The following KCNN4 variants were observed in gnomAD, a reference collection of about 807,000 sequenced individuals.
The protein encoded by KCNN4 is intermediate conductance calcium-activated potassium channel protein 4.
A neutral mutation model predicts 45.2 loss-of-function variants in KCNN4; 31 were observed. The observed-to-expected ratio is 0.69, with a 90% CI of 0.52 to 0.92. The LOEUF is 0.92. Among genes scored for constraint, KCNN4 ranks in the 40% least tolerant of loss-of-function variants. The pLI is 0.00. For synonymous variants in KCNN4, 231 were observed against 254.6 expected, an observed-to-expected ratio of 0.91 and a Z score of 0.88; for missense variants, 463 against 574.0, an observed-to-expected ratio of 0.81 and a Z score of 1.98.
At chr19:43,780,530 T>C (rs138096308) in intron 1 of KCNN4, among the ~76,000 whole-genome samples, 173 bp downstream of exon 1, 1,263 of 29,382 alleles carry the variant, frequency 0.043, 5 homozygotes, top group African/African-American at 0.17. Flanking sequence ...GGAGTCCAAG[T>C]CCCCAGTCCC....
At chr19:43,775,843 C>T (rs556964449) in intron 2 of KCNN4, among the ~76,000 whole-genome samples, 9 of 151,832 alleles carry the variant, frequency 5.9e-5, no homozygotes, top group South Asian at 2.1e-4. Context: ...CCCCTGGGAC[C>T]GGACCAGGTG....
chr19:43,774,203 G>C lies in KCNN4; in HGVS notation c.672C>G (p.Ser224=). 1 of 1,610,752 alleles carries C rather than the reference G, an allele frequency of 6.2e-7. No homozygotes were observed. Among genetic ancestry groups the C allele is most frequent in the Non-Finnish European group, 8.5e-7 (1 of 1,177,712 alleles). ...TCCATCACCCTCACCTCTCGGCCAC[G>C]GACAGCACCCAGGCGGTGGTCAGCC... ...GLWLTTAWVL[S]VAERQAVNAT... is the part of the protein sequence containing the mutation. The change falls in exon 3 of 9, where the codon TCC becomes TCG. Residue 224 remains serine (S), a synonymous_variant. Coordinates refer to ENST00000648319, the MANE Select transcript of KCNN4 (RefSeq NM_002250.3). The surrounding 1 kb of genome is among the most constrained non-coding windows in gnomAD (Gnocchi z 5.6).
intron 8 of KCNN4, 152 bp downstream of exon 8, chr19:43,767,388 G>A (rs1291787795): frequency 6.3e-6 from 6 of 957,644 alleles, no homozygotes; most frequent in Admixed American, 2.8e-5. Context: ...GTCCAGCCCC[G>A]AACTGAGTCC....
rs1415771955 is a variant in KCNN4 at position 43,772,261 on chromosome 19, C to T, written c.684-126G>A. 3.0e-6 allele frequency: 3 copies of T among 1,006,046 alleles called. No homozygotes were observed. The highest frequency in any genetic ancestry group is 5.6e-5 in the East Asian group (2 of 35,896). 62.3% of individuals were successfully genotyped at this position (1,006,046 alleles called of 1,614,324 possible). A position where few individuals can be genotyped will look rare whatever the true frequency, so the allele number is the denominator to read the frequency against. ...CCCTCCCTTCCCCTCCCAGTATACACCCATAGTCCTAAGAATCACCTGGAC... is the reference window on the plus strand; with the variant it reads ...CCCTCCCTTCCCCTCCCAGTATACATCCATAGTCCTAAGAATCACCTGGAC... On this transcript the variant is annotated intron_variant, in intron 3 of 8. Coordinates refer to ENST00000648319, the MANE Select transcript of KCNN4 (RefSeq NM_002250.3). The surrounding 1 kb of genome is among the most constrained non-coding windows in gnomAD (Gnocchi z 4.4).
chr19:43,776,623 A>G lies in KCNN4; in HGVS notation c.173T>C (p.Leu58Pro), dbSNP rs1385578285. Residue 58 changes from leucine (L) to proline (P), a missense_variant, in exon 2 of 9, where the codon CTG (leucine) becomes CCG (proline). Coordinates refer to ENST00000648319, the MANE Select transcript of KCNN4 (RefSeq NM_002250.3). Reference sequence around the variant, plus strand: ...GCTGATCGTGCATTTAACCAGGAACAGGTAGAGCGCCCACTGTCAGGGGGG... The same window carrying G: ...GCTGATCGTGCATTTAACCAGGAACGGGTAGAGCGCCCACTGTCAGGGGGG... Reference protein sequence around the residue: ...WFGGCSWALYLFLVKCTISIS... With the variant: ...WFGGCSWALYPFLVKCTISIS... 4.3e-6 allele frequency: 7 copies of G among 1,613,150 alleles called. No individual in the cohort carries two copies. The highest frequency in any genetic ancestry group is 1.7e-5 in the Admixed American group (1 of 60,004).
At chr19:43,780,455 A>T (rs34903428) in intron 1 of KCNN4, among the ~76,000 whole-genome samples, 1 of 36,236 alleles carries the variant, frequency 2.8e-5, no homozygotes, top group African/African-American at 1.2e-4. Flanking sequence ...AGGAGTCCTG[A>T]CCCCCAGCCC....
At chr19:43,779,478 AGG>A (rs1312821330) in intron 1 of KCNN4, among the ~76,000 whole-genome samples, 1 of 152,042 alleles carries the variant, frequency 6.6e-6, no homozygotes, top group Non-Finnish European at 1.5e-5. Flanking sequence ...TCAGACCCTC[AGG>A]AATCTACCCA....
chr19:43,767,511 C>G (rs769785437), intron 8 of KCNN4, 29 bp downstream of exon 8: 1 of 1,604,420 alleles, frequency 6.2e-7, no homozygotes, highest in African/African-American at 1.3e-5. Flanking sequence ...CTCCAGGATG[C>G]CTTCCTGCCC....
chr19:43,774,337 GGTAGGAAGCGTTGAGCAGGACGCCGCTGC>G lies in KCNN4; in HGVS notation c.509_537del (p.Arg170ProfsTer53). ...ACTTGATTGAGAGCGCCGATGCTGC[GGTAGGAAGCGTTGAGCAGGACGCCGCTGC>G]GCAGGAGCACGGCGCGGGGCACCAG... is the stretch of plus-strand genomic sequence containing the variant. On this transcript the variant is annotated frameshift_variant, in exon 3 of 9. Coordinates refer to ENST00000648319, the MANE Select transcript of KCNN4 (RefSeq NM_002250.3). LOFTEE classifies it high-confidence loss of function. This position sits in a 1 kb window ranked among gnomAD's most constrained non-coding sequence, Gnocchi z 5.6. 6.2e-7 allele frequency: 1 copy of G among 1,610,572 alleles called. No homozygotes were observed. Among genetic ancestry groups the G allele is most frequent in the Non-Finnish European group, 8.5e-7 (1 of 1,178,478 alleles).
At chr19:43,778,171 TC>T (rs1223895980) in intron 1 of KCNN4, among the ~76,000 whole-genome samples, 1 of 152,212 alleles carries the variant, frequency 6.6e-6, no homozygotes, top group Admixed American at 6.5e-5. Context: ...TACTCTGTTC[TC>T]TGAATTTCCC....
In KCNN4 at chr19:43,767,687, G is replaced by T. The variant is rs1429883760; in HGVS notation, c.1140C>A (p.Asp380Glu). 6.2e-7 allele frequency: 1 copy of T among 1,614,166 alleles called. No individual in the cohort carries two copies. Among genetic ancestry groups the T allele is most frequent in the South Asian group, 1.1e-5 (1 of 91,084 alleles). The stretch of plus-strand genomic sequence containing the variant: ...GTGAGCTGCTCAGATTCTGCTGCAG[G>T]TCATACAGGATCATGTGCATCTGGG... ...DISKMHMILY[D>E]LQQNLSSSHR... The change falls in exon 8 of 9, where the codon GAC becomes GAA. Residue 380 changes from aspartate (D) to glutamate (E), a missense_variant. By Grantham distance (45) the Asp-to-Glu change is conservative. Transcript: ENST00000648319.
chr19:43,776,317 C>CA (rs1282890305), intron 2 of KCNN4, among the ~76,000 whole-genome samples: 1 of 149,308 alleles, frequency 6.7e-6, no homozygotes, highest in East Asian at 2.0e-4. Flanking sequence ...CGTGAGTGTG[C>CA]AAGGGGGGGC....
intron 1 of KCNN4, among the ~76,000 whole-genome samples, chr19:43,777,325 G>GT (rs59004949): frequency 0.59 from 81,001 of 137,450 alleles, 22,819 homozygotes; most frequent in South Asian, 0.69. Flanking sequence ...GTGTGTGTGT[G>GT]GGTGTGTGTG....
chr19:43,778,433 G>C (rs1264072793), intron 1 of KCNN4, among the ~76,000 whole-genome samples: 1 of 152,092 alleles, frequency 6.6e-6, no homozygotes, highest in African/African-American at 2.4e-5. Context: ...TAGAGATGGG[G>C]TTTCACTGTG....
Position 43,774,526 on chromosome 19 carries a change from G to C in KCNN4, c.349C>G (p.Leu117Val), listed in dbSNP as rs772242708. 1 of 1,596,648 alleles carries C rather than the reference G, an allele frequency of 6.3e-7. No homozygotes were observed. Among genetic ancestry groups the C allele is most frequent in the African/African-American group, 1.3e-5 (1 of 74,904 alleles). ...GGGCCCCGCACGGGCGCCGGGTGCA[G>C]CCCACACACCACCAGCTCCAGCACG... Reference protein sequence around the residue: ...QIVLELVVCGLHPAPVRGPPC... With the variant: ...QIVLELVVCGVHPAPVRGPPC... Residue 117 changes from leucine to valine, a missense_variant, in exon 3 of 9, where the codon CTG becomes GTG. Leu to Val is a conservative substitution (Grantham distance 32). Around this residue, in one of 3 missense-constraint regions of KCNN4, gnomAD observed 225 missense variants for 240.9 expected, o/e 0.93. Transcript: ENST00000648319. The surrounding 1 kb of genome is among the most constrained non-coding windows in gnomAD (Gnocchi z 5.6).
In KCNN4 at chr19:43,774,239, C is replaced by T. The variant is rs202081773; in HGVS notation, c.636G>A (p.Thr212=). 522 of 1,613,332 alleles carry T rather than the reference C, an allele frequency of 3.2e-4. No individual in the cohort carries two copies. The Middle Eastern group carries it at 3.6e-3, about 11-fold the overall frequency. The change falls in exon 3 of 9, where the codon ACG becomes ACA. Residue 212 remains threonine (T), a synonymous_variant. Transcript: ENST00000648319. The surrounding 1 kb of genome is among the most constrained non-coding windows in gnomAD (Gnocchi z 5.6). ...AGGCGGTGGTCAGCCAGAGGCCAAG[C>T]GTGAGGCCGAGCAGCAGGCGGCCAG... ...THPGRLLLGL[T]LGLWLTTAWV...
At chr19:43,779,037 T>C (rs1969896201) in intron 1 of KCNN4, among the ~76,000 whole-genome samples, 1 of 152,082 alleles carries the variant, frequency 6.6e-6, no homozygotes, top group Admixed American at 6.5e-5. Context: ...CTACATAAAA[T>C]AAAAAGGGTG....
In KCNN4 at chr19:43,772,282, T is replaced by C; in HGVS notation, c.684-147A>G. The stretch of plus-strand genomic sequence containing the variant: ...TACACCCATAGTCCTAAGAATCACC[T>C]GGACAAAAAGCCATTAAGTTCTGAG... On this transcript the variant is annotated intron_variant, in intron 3 of 8. Coordinates refer to ENST00000648319, the MANE Select transcript of KCNN4 (RefSeq NM_002250.3). The surrounding 1 kb of genome is among the most constrained non-coding windows in gnomAD (Gnocchi z 4.4). The C allele has an allele frequency of 1.2e-6, 1 of 869,214 alleles. No homozygotes were observed. Among genetic ancestry groups the C allele is most frequent in the Non-Finnish European group, 1.7e-6 (1 of 595,596 alleles). 53.8% of individuals were successfully genotyped at this position (869,214 alleles called of 1,614,324 possible).
intron 1 of KCNN4, among the ~76,000 whole-genome samples, chr19:43,780,287 C>A (rs1378840683): frequency 1.3e-5 from 2 of 152,018 alleles, no homozygotes; most frequent in Admixed American, 1.3e-4. Context: ...CAACTGTCTC[C>A]TGGGAGCACC....
Sources: gnomAD v4.1 joint callset for allele counts (sites outside exome capture counted in the v4.1 genomes callset) on GRCh38, gnomAD v4.1.1 for gene constraint, gnomAD v4.1.1 regional missense constraint, Gnocchi (gnomAD v3.1) non-coding constraint, MANE v1.5 for transcripts, NCBI Gene and HGNC (gene_info 2026-07-23, HGNC 2026-07-21) for gene names.